The following CACNA1F variants were observed in gnomAD, a reference collection of about 807,000 sequenced individuals.
CACNA1F encodes the protein voltage-dependent L-type calcium channel subunit alpha-1F.
CACNA1F carries 59 observed loss-of-function variants against 143.8 expected under a neutral mutation model. That is an observed-to-expected ratio of 0.41 (90% CI 0.33 to 0.51). The LOEUF is 0.51. CACNA1F is among the 20% of genes least tolerant of loss of function. The pLI is 0.22. For missense variants in CACNA1F, 1,411 were observed against 1,647.5 expected (o/e 0.86, Z 2.48); for synonymous variants, 643 against 649.1 (o/e 0.99, Z 0.14).
rs113299222 is a variant in CACNA1F, at chrX:49,212,362, A to G, written c.3943-54T>C. On this transcript the variant is annotated intron_variant, in intron 33 of 47. Coordinates refer to ENST00000323022, the MANE Select transcript of CACNA1F (RefSeq NM_001256789.3). The stretch of plus-strand genomic sequence containing the variant: ...ATAGATGCACAGGCTCAGGCAAAGA[A>G]CTATAAGCCCCAGAATGCACTGCTT... 1,568 of 974,817 alleles carry G rather than the reference A, an allele frequency of 1.6e-3. 18 individuals carry two copies. The African/African-American group carries it at 0.025, about 16-fold the overall frequency. 80.3% of individuals were successfully genotyped at this position (974,817 alleles called of 1,213,427 possible).
chrX:49,226,854 T>C (rs2065830724), intron 9 of CACNA1F, 116 bp downstream of exon 9: 4 of 1,061,849 alleles, frequency 3.8e-6, no homozygotes, highest in Admixed American at 2.4e-5. Context: ...GCTAGAGTTG[T>C]TGCAGATCAG....
At position 49,215,561 on chromosome X, in the gene CACNA1F, G is replaced by A; in HGVS notation, c.3237-18C>T. The stretch of plus-strand genomic sequence containing the variant: ...ATAGCAGTCTGTGGGAGCCAGAGGG[G>A]GGGTAGAGGTGGGGGCAGGTGAGGG... On this transcript the variant is annotated intron_variant, in intron 27 of 47. Coordinates refer to ENST00000323022, the MANE Select transcript of CACNA1F (RefSeq NM_001256789.3). 2 of 1,085,064 alleles carry A rather than the reference G, an allele frequency of 1.8e-6. No individual in the cohort carries two copies. The highest frequency in any genetic ancestry group is 2.5e-6 in the Non-Finnish European group (2 of 788,205). The allele number at this position is 1,085,064 out of a possible 1,213,427, so 89.4% of individuals were successfully genotyped here.
In CACNA1F at chrX:49,210,047, G is replaced by A. The variant is rs782753431; in HGVS notation, c.4589-5C>T. 1.7e-6 allele frequency: 2 copies of A among 1,167,094 alleles called. No individual in the cohort carries two copies. The highest frequency in any genetic ancestry group is 5.9e-5 in the East Asian group (2 of 33,694). The stretch of plus-strand genomic sequence containing the variant: ...GGTTGGCTTGCTCCAGGTTCCCTGC[G>A]TTGGAGGAGGATGTGGGGCATGAGC... On this transcript the variant is annotated splice_region_variant and splice_polypyrimidine_tract_variant and intron_variant, in intron 39 of 47. Coordinates refer to ENST00000323022, the MANE Select transcript of CACNA1F (RefSeq NM_001256789.3).
rs782580564 is a variant in CACNA1F at position 49,224,834 on chromosome X, C to A, written c.1804G>T (p.Val602Leu). 1.8e-5 allele frequency: 22 copies of A among 1,199,341 alleles called. No homozygotes were observed. Among genetic ancestry groups the A allele is most frequent in the Non-Finnish European group, 2.1e-5 (19 of 888,852 alleles). ...GGILETTLVE[V>L]GAMQPLGISV... Reference sequence around the variant, plus strand: ...ATGCCCAAGGGCTGCATGGCACCCACCTCCACCAAGGTGGTCTCTAGGATG... The same window carrying A: ...ATGCCCAAGGGCTGCATGGCACCCAACTCCACCAAGGTGGTCTCTAGGATG... The change falls in exon 14 of 48, where the codon GTG becomes TTG. Residue 602 changes from valine (V) to leucine (L), a missense_variant. By Grantham distance (32) the Val-to-Leu change is conservative (BLOSUM62 1). Around this residue, in one of 3 missense-constraint regions of CACNA1F, gnomAD observed 950 missense variants for 1,128.1 expected, o/e 0.84. Coordinates refer to ENST00000323022, the MANE Select transcript of CACNA1F (RefSeq NM_001256789.3).
chrX:49,220,608 TA>T lies in CACNA1F; in HGVS notation c.2335-85del, dbSNP rs782461787. ...GGGAGGCATGGAAGAAATGTAATAA[TA>T]GGGGAAAGAATAGGCAGAGGATGAA... On this transcript the variant is annotated intron_variant, in intron 18 of 47. Coordinates refer to ENST00000323022, the MANE Select transcript of CACNA1F (RefSeq NM_001256789.3). 2.7e-5 allele frequency: 21 copies of T among 781,978 alleles called. No individual in the cohort carries two copies. The East Asian group carries it at 6.5e-4, about 24-fold the overall frequency. The allele number at this position is 781,978 out of a possible 1,213,427, so 64.4% of individuals were successfully genotyped here. A position where few individuals can be genotyped will look rare whatever the true frequency, so the allele number is the denominator to read the frequency against.
At chrX:49,212,443 T>A in intron 33 of CACNA1F, 135 bp from the exon 34 acceptor site, 1 of 609,769 alleles carries the variant, frequency 1.6e-6, no homozygotes, top group Non-Finnish European at 2.7e-6. Flanking sequence ...CCAAGGACTG[T>A]GGTGTCTCTC....
At position 49,218,510 on chromosome X, in the gene CACNA1F, C is replaced by T. The variant is rs782194677; in HGVS notation, c.2873G>A (p.Arg958Gln). Reference sequence around the variant, plus strand: ...GAGGGGCCGCAGTACTCGGAGTACTCGCAGAATCTTCACCACCGAGATGGC... The same window carrying T: ...GAGGGGCCGCAGTACTCGGAGTACTTGCAGAATCTTCACCACCGAGATGGC... ...SSAISVVKIL[R>Q]VLRVLRPLRA... The change falls in exon 24 of 48, where the codon CGA becomes CAA. Residue 958 changes from arginine to glutamine, a missense_variant. Around this residue, in one of 3 missense-constraint regions of CACNA1F, gnomAD observed 950 missense variants for 1,128.1 expected, o/e 0.84. Coordinates refer to ENST00000323022, the MANE Select transcript of CACNA1F (RefSeq NM_001256789.3). 7 of 1,175,899 alleles carry T rather than the reference C, an allele frequency of 6.0e-6. No homozygotes were observed. The highest frequency in any genetic ancestry group is 8.0e-6 in the Non-Finnish European group (7 of 879,178).
Position 49,224,860 on chromosome X carries a change from C to T in CACNA1F, c.1778G>A (p.Gly593Asp), listed in dbSNP as rs1557109497. The T allele has an allele frequency of 3.3e-5, 40 of 1,197,739 alleles. No homozygotes were observed. The highest frequency in any genetic ancestry group is 4.2e-5 in the Non-Finnish European group (37 of 885,919). Residue 593 changes from glycine to aspartate, a missense_variant, in exon 14 of 48, where the codon GGC becomes GAC. Gly to Asp is a moderately conservative substitution (Grantham distance 94, BLOSUM62 -1). Transcript: ENST00000323022. ...NRFDCFVVCG[G>D]ILETTLVEVG... is the part of the protein sequence containing the mutation. ...CTCCACCAAGGTGGTCTCTAGGATG[C>T]CCCCACAGACCACAAAGCAGTCAAA...
intron 9 of CACNA1F, 65 bp from the exon 10 acceptor site, chrX:49,226,767 G>T: frequency 9.7e-7 from 1 of 1,028,661 alleles, no homozygotes; most frequent in Admixed American, 2.6e-5. Context: ...CATGTCTAGG[G>T]TAGGGGTGTC....
intron 43 of CACNA1F, among the ~76,000 whole-genome samples, chrX:49,207,497 C>G (rs2065610391): frequency 9.0e-6 from 1 of 111,369 alleles, no homozygotes; most frequent in Non-Finnish European, 1.9e-5. Flanking sequence ...GCGGCATGAT[C>G]TCAGCTCACT....
In CACNA1F at chrX:49,212,752, A is replaced by G; in HGVS notation, c.3857T>C (p.Leu1286Pro). The G allele has an allele frequency of 8.3e-7, 1 of 1,209,208 alleles. No individual in the cohort carries two copies. Among genetic ancestry groups the G allele is most frequent in the Non-Finnish European group, 1.1e-6 (1 of 893,971 alleles). Residue 1286 changes from leucine to proline, a missense_variant, in exon 33 of 48, where the codon CTC becomes CCC. Leu to Pro is a moderately conservative substitution (Grantham distance 98). Coordinates refer to ENST00000323022, the MANE Select transcript of CACNA1F (RefSeq NM_001256789.3). ...CTTGACCAGCCGCATAACTCGGAAG[A>G]GGCGAAAGAAGGTAATGGAAATGCG... ...SSRISITFFR[L>P]FRVMRLVKLL...
chrX:49,205,496 A>T, intron 47 of CACNA1F, 120 bp downstream of exon 47: 1 of 856,972 alleles, frequency 1.2e-6, no homozygotes, highest in Non-Finnish European at 1.7e-6. Context: ...CAGAGGTCGT[A>T]GGGCAAAGGG....
At position 49,214,667 on chromosome X, in the gene CACNA1F, G is replaced by C. The variant is rs192999142; in HGVS notation, c.3598-398C>G. On this transcript the variant is annotated intron_variant, in intron 29 of 47. Transcript: ENST00000323022. ...ATGAAAATGAATGCCAACTTGCTAA[G>C]AATGGTGAAGCAGAAAGATAGAGCA... Among the ~76,000 whole-genome samples, 4 of 112,102 alleles carry C rather than the reference G, an allele frequency of 3.6e-5. No homozygotes were observed. In the East Asian group the frequency reaches 1.1e-3, roughly 31 times the overall value.
Position 49,231,008 on chromosome X carries a change from G to T in CACNA1F, c.382-19C>A. The T allele has an allele frequency of 8.9e-7, 1 of 1,119,898 alleles. No individual in the cohort carries two copies. Among genetic ancestry groups the T allele is most frequent in the Non-Finnish European group, 1.2e-6 (1 of 814,973 alleles). 92.3% of individuals were successfully genotyped at this position (1,119,898 alleles called of 1,213,427 possible). ...CCTGCTCCTGGGGGTGGGACCGGGG[G>T]GCGGGTCGGGAAGTCGAGGAGTTAT... On this transcript the variant is annotated intron_variant, in intron 3 of 47. Coordinates refer to ENST00000323022, the MANE Select transcript of CACNA1F (RefSeq NM_001256789.3).
chrX:49,205,485 G>A, intron 47 of CACNA1F, 118 bp from the exon 48 acceptor site: 1 of 841,146 alleles, frequency 1.2e-6, no homozygotes, highest in South Asian at 2.2e-5. Context: ...ACAGGGGTGA[G>A]CAGAGGTCGT....
chrX:49,230,135 T>A, intron 6 of CACNA1F, 85 bp downstream of exon 6: 2 of 880,327 alleles, frequency 2.3e-6, no homozygotes. Flanking sequence ...TCTTGTGCAT[T>A]TCAGTGGGTT....
intron 18 of CACNA1F, among the ~76,000 whole-genome samples, 164 bp downstream of exon 18, chrX:49,220,871 A>G (rs1177110142): frequency 2.7e-5 from 3 of 112,645 alleles, no homozygotes; most frequent in Non-Finnish European, 5.6e-5. Flanking sequence ...CCCAGGAGGC[A>G]GAGGTTGCAG....
rs782776718 is a variant in CACNA1F, at chrX:49,209,985, C to T, written c.4646G>A (p.Arg1549Gln). 2 of 1,210,478 alleles carry T rather than the reference C, an allele frequency of 1.7e-6. No individual in the cohort carries two copies. The highest frequency in any genetic ancestry group is 2.2e-6 in the Non-Finnish European group (2 of 894,228). Residue 1549 changes from arginine (R) to glutamine (Q), a missense_variant, in exon 40 of 48, where the codon CGG (arginine) becomes CAG (glutamine). Transcript: ENST00000323022. ...CTCATCTAGCAGCTTCTGTTTCATC[C>T]GCTTCCAGATCTTTTTGATGACAAT... ...LRIVIKKIWK[R>Q]MKQKLLDEVI...
Position 49,215,612 on chromosome X carries a change from C to A in CACNA1F, c.3237-69G>T, listed in dbSNP as rs192537275. On this transcript the variant is annotated intron_variant, in intron 27 of 47. Coordinates refer to ENST00000323022, the MANE Select transcript of CACNA1F (RefSeq NM_001256789.3). ...GATATCCCAGCCCCCTCAGACCTGC[C>A]CCCAGTCTACTTATCACAGACACCC... 231 of 707,115 alleles carry A rather than the reference C, an allele frequency of 3.3e-4. No individual in the cohort carries two copies. The East Asian group carries it at 5.2e-3, about 16-fold the overall frequency. 58.3% of individuals were successfully genotyped at this position (707,115 alleles called of 1,213,427 possible). A position where few individuals can be genotyped will look rare whatever the true frequency, so the allele number is the denominator to read the frequency against.
Sources: gnomAD v4.1 joint callset for allele counts (sites outside exome capture counted in the v4.1 genomes callset) on GRCh38, gnomAD v4.1.1 for gene constraint, gnomAD v4.1.1 regional missense constraint, MANE v1.5 for transcripts, NCBI Gene and HGNC (gene_info 2026-07-23, HGNC 2026-07-21) for gene names.